ZNF385D: variants seen among roughly 807,000 people sequenced by gnomAD.
ZNF385D encodes zinc finger protein 659.
Under a neutral mutation model 35.8 loss-of-function variants are expected in ZNF385D, and 15 were observed. That is an observed-to-expected ratio of 0.42 (90% CI 0.28 to 0.64). ZNF385D has a LOEUF of 0.64. Ranked by LOEUF, ZNF385D falls within the 30% of genes least tolerant of loss-of-function variation. The probability of loss-of-function intolerance (pLI) is 0.23; values close to 1 mark genes in which losing one functional copy is unlikely to be tolerated. For missense variants in ZNF385D, 474 were observed against 494.6 expected (o/e 0.96, Z 0.39); for synonymous variants, 212 against 186.8 (o/e 1.13, Z -1.10).
chr3:21,752,909 C>T (rs1432760457), upstream of ZNF385D, among the ~76,000 whole-genome samples: 1 of 152,116 alleles, frequency 6.6e-6, no homozygotes, highest in Non-Finnish European at 1.5e-5. Flanking sequence ...TGTGGTAGAG[C>T]TTATTCATGA....
At chr3:22,237,839 T>TTTACAATTTGTGCTAGAGGAGCTGTGGC (rs1339447376) in intron 2 of ZNF385D, among the ~76,000 whole-genome samples, 31 of 151,312 alleles carry the variant, frequency 2.0e-4, no homozygotes, top group South Asian at 8.6e-4. Context: ...AGGTGGGGTT[T>TTTACAATTTGTGCTAGAGGAGCTGTGGC]CACCACATTC....
At chr3:21,786,328 C>A (rs555485140) in intron 3 of ZNF385D, among the ~76,000 whole-genome samples, 7 of 152,266 alleles carry the variant, frequency 4.6e-5, no homozygotes, top group Non-Finnish European at 8.8e-5. Flanking sequence ...TTTTGACCGT[C>A]CCAGTCCAAG....
chr3:22,356,323 T>C (rs1696146646), intron 2 of ZNF385D, among the ~76,000 whole-genome samples: 1 of 152,012 alleles, frequency 6.6e-6, no homozygotes, highest in Non-Finnish European at 1.5e-5. Flanking sequence ...ATGAAAAGTT[T>C]TGTATATGCT....
intron 4 of ZNF385D, among the ~76,000 whole-genome samples, chr3:21,498,787 C>G (rs1485436334): frequency 6.6e-6 from 1 of 151,458 alleles, no homozygotes; most frequent in East Asian, 1.9e-4. Flanking sequence ...ACTAAAAATA[C>G]AAAAAATTAG....
At chr3:21,932,673 G>C (rs1403879187) in intron 3 of ZNF385D, among the ~76,000 whole-genome samples, 2 of 151,702 alleles carry the variant, frequency 1.3e-5, no homozygotes, top group Admixed American at 6.6e-5. Context: ...CCACATGCTG[G>C]AATAGTAAGC....
intron 2 of ZNF385D, among the ~76,000 whole-genome samples, chr3:21,657,222 C>G (rs2066098162): frequency 6.6e-6 from 1 of 151,910 alleles, no homozygotes; most frequent in Non-Finnish European, 1.5e-5. Flanking sequence ...GAAGAGCAGT[C>G]AGGAAATTGT....
intron 5 of ZNF385D, among the ~76,000 whole-genome samples, chr3:21,426,573 T>C (rs1701037362): frequency 6.6e-6 from 1 of 152,194 alleles, no homozygotes; most frequent in African/African-American, 2.4e-5. Context: ...CTTGGTCATG[T>C]GTTTTTTCTG....
intron 2 of ZNF385D, among the ~76,000 whole-genome samples, chr3:22,270,461 G>A (rs1701115219): frequency 6.6e-6 from 1 of 151,818 alleles, no homozygotes. Context: ...CTTTTAATAT[G>A]CTTGAAAATT....
intron 2 of ZNF385D, among the ~76,000 whole-genome samples, chr3:21,566,135 T>G (rs1334535163): frequency 6.6e-6 from 1 of 152,258 alleles, no homozygotes; most frequent in African/African-American, 2.4e-5. Flanking sequence ...GCATTTATTA[T>G]AATGCTTTCC....
At chr3:21,695,009 T>C (rs1339113014) in intron 1 of ZNF385D, among the ~76,000 whole-genome samples, 1 of 152,232 alleles carries the variant, frequency 6.6e-6, no homozygotes, top group Admixed American at 6.5e-5. Context: ...AAATTGCTTC[T>C]GTGATTTAAT....
chr3:22,187,923 A>G (rs553825119), intron 2 of ZNF385D, among the ~76,000 whole-genome samples: 2 of 152,280 alleles, frequency 1.3e-5, no homozygotes, highest in East Asian at 3.9e-4. Flanking sequence ...AAGAATGTCC[A>G]CACTCTACTC....
At chr3:22,121,806 G>A (rs960316487) in intron 3 of ZNF385D, among the ~76,000 whole-genome samples, 1 of 151,780 alleles carries the variant, frequency 6.6e-6, no homozygotes, top group Non-Finnish European at 1.5e-5. Flanking sequence ...AACTGCAACA[G>A]CTTTTTCCTT....
At chr3:21,659,113 ACT>A (rs1161910735) in intron 2 of ZNF385D, among the ~76,000 whole-genome samples, 5 of 151,780 alleles carry the variant, frequency 3.3e-5, no homozygotes, top group African/African-American at 9.7e-5. Flanking sequence ...CAGTGTTATC[ACT>A]GTCATCGTAT....
intron 1 of ZNF385D, among the ~76,000 whole-genome samples, chr3:21,665,467 C>T (rs1322439749): frequency 1.3e-5 from 2 of 152,110 alleles, no homozygotes; most frequent in Admixed American, 1.3e-4. Context: ...CTACCACATC[C>T]AAAACTCTGG....
intron 3 of ZNF385D, among the ~76,000 whole-genome samples, chr3:22,146,608 C>A (rs1046866703): frequency 6.6e-6 from 1 of 152,080 alleles, no homozygotes; most frequent in South Asian, 2.1e-4. Context: ...AGGCAAAGAT[C>A]TTTGCCTGCA....
chr3:21,818,739 G>A (rs955368765), intron 3 of ZNF385D, among the ~76,000 whole-genome samples: 1 of 152,012 alleles, frequency 6.6e-6, no homozygotes, highest in Non-Finnish European at 1.5e-5. Flanking sequence ...GTTGATAATT[G>A]TGGAGGTAGG....
Position 21,878,433 on chromosome 3 carries a change from C to T in ZNF385D, c.326-213405G>A, listed in dbSNP as rs570841190. Among the ~76,000 whole-genome samples, 50 of 151,904 alleles carry T rather than the reference C, an allele frequency of 3.3e-4. 1 individual carries two copies. Among genetic ancestry groups the T allele is most frequent in the South Asian group, 6.2e-4 (3 of 4,826 alleles). On this transcript the variant is annotated intron_variant, in intron 3 of 5. Transcript: ENST00000494108. ...ACAGCAGTATGAAGGCATTAATATG[C>T]GTAAAAAGAAAAATTAGTATTGTTT...
At chr3:21,660,923 G>C (rs1423508039) in intron 2 of ZNF385D, among the ~76,000 whole-genome samples, 1 of 152,180 alleles carries the variant, frequency 6.6e-6, no homozygotes, top group Non-Finnish European at 1.5e-5. Flanking sequence ...CTCAGCACCA[G>C]GGCCACCCCT....
intron 2 of ZNF385D, among the ~76,000 whole-genome samples, chr3:22,256,200 T>C (rs1012178888): frequency 7.0e-6 from 1 of 142,478 alleles, no homozygotes; most frequent in Non-Finnish European, 1.5e-5. Flanking sequence ...CATACACACA[T>C]ACATATATAC....
Sources: gnomAD v4.1 joint callset for allele counts (sites outside exome capture counted in the v4.1 genomes callset) on GRCh38, gnomAD v4.1.1 for gene constraint, MANE v1.5 for transcripts, NCBI Gene and HGNC (gene_info 2026-07-23, HGNC 2026-07-21) for gene names.